SORCS2: variants seen among roughly 807,000 people sequenced by gnomAD.
The protein encoded by SORCS2 is VPS10 domain-containing receptor SorCS2.
SORCS2 carries 100 observed loss-of-function variants against 141.6 expected under a neutral mutation model. That is an observed-to-expected ratio of 0.71 (90% CI 0.60 to 0.83). SORCS2 has a LOEUF of 0.83. Ranked by LOEUF, SORCS2 falls within the 40% of genes least tolerant of loss-of-function variation. The pLI is 0.00. For synonymous variants in SORCS2, 789 were observed against 676.9 expected, an observed-to-expected ratio of 1.17 and a Z score of -2.57; for missense variants, 1,646 against 1,560.2, an observed-to-expected ratio of 1.05 and a Z score of -0.93.
chr4:7,593,541 T>C (rs1438922500), intron 3 of SORCS2, among the ~76,000 whole-genome samples: 1 of 152,058 alleles, frequency 6.6e-6, no homozygotes, highest in African/African-American at 2.4e-5. Context: ...CCCCACACTC[T>C]CATGTTCCAG....
chr4:7,562,020 G>A (rs751465169), intron 3 of SORCS2, among the ~76,000 whole-genome samples: 12 of 152,202 alleles, frequency 7.9e-5, no homozygotes, highest in Admixed American at 2.6e-4. Flanking sequence ...TACTTGATCT[G>A]TACAAAGCAC....
Position 7,413,178 on chromosome 4 carries a change from A to G in SORCS2, c.548+16823A>G, listed in dbSNP as rs545222943. The stretch of plus-strand genomic sequence containing the variant: ...CTCCCTCAAAAAGTACCACATCTTT[A>G]TATACTGTAATTATAATTTGTGATC... On this transcript the variant is annotated intron_variant, in intron 2 of 26. Coordinates refer to ENST00000507866, the MANE Select transcript of SORCS2 (RefSeq NM_020777.3). Among the ~76,000 whole-genome samples the G allele has an allele frequency of 4.2e-4, 64 of 152,244 alleles. 2 individuals are homozygous for G. Among genetic ancestry groups the G allele is most frequent in the African/African-American group, 1.5e-3 (62 of 41,530 alleles).
At chr4:7,712,995 T>C in intron 15 of SORCS2, 142 bp downstream of exon 15, 1 of 1,279,106 alleles carries the variant, frequency 7.8e-7, no homozygotes, top group Non-Finnish European at 1.1e-6. Context: ...CCCAGCGCCT[T>C]GAGATGTCCA....
At chr4:7,522,383 G>A (rs1733382680) in intron 2 of SORCS2, among the ~76,000 whole-genome samples, 1 of 152,216 alleles carries the variant, frequency 6.6e-6, no homozygotes, top group South Asian at 2.1e-4. Flanking sequence ...TTTTCCAACT[G>A]CGCTTGCCTT....
chr4:7,629,804 T>G (rs1453745379), intron 3 of SORCS2, among the ~76,000 whole-genome samples: 1 of 151,890 alleles, frequency 6.6e-6, no homozygotes, highest in African/African-American at 2.4e-5. Context: ...CCTCAGCAGC[T>G]CAAACTGACC....
chr4:7,321,413 A>G (rs1718885881), intron 1 of SORCS2, among the ~76,000 whole-genome samples: 1 of 152,224 alleles, frequency 6.6e-6, no homozygotes, highest in African/African-American at 2.4e-5. Context: ...TGATAAATGA[A>G]TTCAGTGAAG....
intron 1 of SORCS2, among the ~76,000 whole-genome samples, chr4:7,293,410 C>A (rs981250999): frequency 6.6e-6 from 1 of 152,170 alleles, no homozygotes; most frequent in Non-Finnish European, 1.5e-5. Flanking sequence ...CGACCTCCTG[C>A]GGTCCTTGTA....
At chr4:7,235,295 G>A (rs73081809) in intron 1 of SORCS2, among the ~76,000 whole-genome samples, 1,944 of 152,358 alleles carry the variant, frequency 0.013, 40 homozygotes, top group African/African-American at 0.044. Flanking sequence ...GAAACTGGGC[G>A]TGGCCTCATC....
rs528817306 is a variant in SORCS2 at position 7,705,535 on chromosome 4, C to T, written c.1868+1251C>T. On this transcript the variant is annotated intron_variant, in intron 14 of 26. Transcript: ENST00000507866. ...CACCTTGTCCTCTGCTCTGTCCCTT[C>T]TAGAGCAGGCAGGACCTGCCCTACC... Among the ~76,000 whole-genome samples the T allele has an allele frequency of 2.0e-4, 31 of 152,358 alleles. No homozygotes were observed. The East Asian group carries it at 3.9e-3, about 19-fold the overall frequency.
intron 19 of SORCS2, among the ~76,000 whole-genome samples, chr4:7,724,643 A>T (rs796637237): frequency 0.019 from 1,466 of 75,780 alleles, 14 homozygotes; most frequent in Non-Finnish European, 0.026. Flanking sequence ...GTGATGGTGG[A>T]GGTGATGGTG....
intron 2 of SORCS2, among the ~76,000 whole-genome samples, chr4:7,454,045 A>T (rs1369820806): frequency 1.7e-5 from 1 of 59,136 alleles, no homozygotes. Flanking sequence ...GGGGCCAGGC[A>T]CTGTGTTGGG....
intron 3 of SORCS2, among the ~76,000 whole-genome samples, chr4:7,552,504 C>G (rs1208546437): frequency 6.6e-6 from 1 of 152,126 alleles, no homozygotes; most frequent in African/African-American, 2.4e-5. Flanking sequence ...TCCCTCTAAA[C>G]TGACGATGAA....
chr4:7,611,464 C>T (rs1194932094), intron 3 of SORCS2, among the ~76,000 whole-genome samples: 1 of 152,176 alleles, frequency 6.6e-6, no homozygotes, highest in Non-Finnish European at 1.5e-5. Flanking sequence ...GCACGGTGCC[C>T]AGCCCAGGAG....
At chr4:7,303,204 G>A (rs937268750) in intron 1 of SORCS2, among the ~76,000 whole-genome samples, 7 of 152,208 alleles carry the variant, frequency 4.6e-5, no homozygotes, top group African/African-American at 1.7e-4. Flanking sequence ...CAGCCATAGT[G>A]TGGGAAGTAA....
chr4:7,710,568 T>C (rs775460642), intron 14 of SORCS2, among the ~76,000 whole-genome samples: 12 of 152,158 alleles, frequency 7.9e-5, no homozygotes, highest in Non-Finnish European at 1.6e-4. Context: ...GCCCCAGGCA[T>C]TGTTTGGACA....
intron 2 of SORCS2, among the ~76,000 whole-genome samples, chr4:7,446,222 G>T (rs1414963598): frequency 2.6e-5 from 4 of 152,130 alleles, no homozygotes; most frequent in Non-Finnish European, 2.9e-5. Context: ...TTTCCCAGCA[G>T]AGCTGAGCAT....
At chr4:7,209,560 C>T (rs1274798186) in intron 1 of SORCS2, among the ~76,000 whole-genome samples, 2 of 152,174 alleles carry the variant, frequency 1.3e-5, no homozygotes, top group Non-Finnish European at 2.9e-5. Context: ...CTATCCCCTT[C>T]GTAGACTGTT....
At chr4:7,717,008 G>A (rs1726237230) in intron 17 of SORCS2, among the ~76,000 whole-genome samples, 1 of 152,246 alleles carries the variant, frequency 6.6e-6, no homozygotes, top group Admixed American at 6.5e-5. Context: ...GCAAGAGGGG[G>A]GATCAGCCTT....
At chr4:7,385,101 G>T (rs896371256) in intron 1 of SORCS2, among the ~76,000 whole-genome samples, 3 of 152,154 alleles carry the variant, frequency 2.0e-5, no homozygotes, top group Admixed American at 6.5e-5. Context: ...GCACTCAGGG[G>T]TGTATGGGTA....
Sources: allele counts gnomAD v4.1 joint callset (sites outside exome capture counted in the v4.1 genomes callset), GRCh38; gene constraint gnomAD v4.1.1; transcripts MANE v1.5; gene names NCBI Gene and HGNC (gene_info 2026-07-23, HGNC 2026-07-21).